Variants in FAM13A observed in about 807,000 individuals in gnomAD.
FAM13A encodes protein FAM13A.
Under a neutral mutation model 129.6 loss-of-function variants are expected in FAM13A, and 76 were observed. The ratio of observed to expected loss-of-function variants is 0.59; its 90% CI spans 0.49 to 0.71. FAM13A has a LOEUF of 0.71. FAM13A is among the 30% of genes least tolerant of loss of function. The pLI is 0.00. For missense variants in FAM13A, 1,108 were observed against 1,249.3 expected (o/e 0.89, Z 1.70); for synonymous variants, 443 against 449.9 (o/e 0.98, Z 0.20).
chr4:88,872,309 G>A (rs1005558638), intron 6 of FAM13A, among the ~76,000 whole-genome samples: 1 of 152,156 alleles, frequency 6.6e-6, no homozygotes, highest in Non-Finnish European at 1.5e-5. Flanking sequence ...AACCTTAAAT[G>A]TAAATAAGCT....
At chr4:89,037,093 C>T (rs1229835857) in intron 1 of FAM13A, among the ~76,000 whole-genome samples, 1 of 152,204 alleles carries the variant, frequency 6.6e-6, no homozygotes, top group African/African-American at 2.4e-5. Flanking sequence ...CCTAGTGGAG[C>T]TGAGAGAAGA....
At chr4:88,918,048 G>A (rs752122017) in intron 5 of FAM13A, among the ~76,000 whole-genome samples, 1 of 152,196 alleles carries the variant, frequency 6.6e-6, no homozygotes, top group Non-Finnish European at 1.5e-5. Flanking sequence ...GTCTTGGTAA[G>A]TGTCCTCTGG....
intron 6 of FAM13A, among the ~76,000 whole-genome samples, chr4:88,901,562 G>A (rs984310549): frequency 6.6e-6 from 1 of 152,186 alleles, no homozygotes; most frequent in Admixed American, 6.5e-5. Flanking sequence ...TGAAATTAAG[G>A]CAGAAATCAT....
intron 7 of FAM13A, among the ~76,000 whole-genome samples, chr4:88,805,450 A>C (rs1259126135): frequency 6.6e-6 from 1 of 152,168 alleles, no homozygotes; most frequent in South Asian, 2.1e-4. Flanking sequence ...ACAACCAACA[A>C]AACATTCCTG....
intron 8 of FAM13A, among the ~76,000 whole-genome samples, chr4:88,796,039 C>A (rs892392042): frequency 2.0e-5 from 3 of 151,628 alleles, no homozygotes; most frequent in Non-Finnish European, 4.4e-5. Flanking sequence ...TTTCTGTTTT[C>A]TTTTATTATT....
rs1455289503 is a variant in FAM13A, at chr4:88,745,580, A to T, written c.2466+1352T>A. ...ACACCTTCTCCATGAGGCCTACCAG[A>T]TGGCTACACAGAGCAGGGTTCTAAG... On this transcript the variant is annotated intron_variant, in intron 19 of 23. Coordinates refer to ENST00000264344, the MANE Select transcript of FAM13A (RefSeq NM_014883.4). Among the ~76,000 whole-genome samples, 7 of 152,356 alleles carry T rather than the reference A, an allele frequency of 4.6e-5. No individual in the cohort carries two copies. The East Asian group carries it at 1.2e-3, about 25-fold the overall frequency.
chr4:88,849,894 T>G (rs948922723), intron 7 of FAM13A, among the ~76,000 whole-genome samples: 3 of 152,212 alleles, frequency 2.0e-5, no homozygotes, highest in Non-Finnish European at 4.4e-5. Context: ...AATTCCAGTT[T>G]ACAATTTCCA....
rs78643321 is a variant in FAM13A at position 88,796,450 on chromosome 4, A to G, written c.1050-5823T>C. On this transcript the variant is annotated intron_variant, in intron 8 of 23. Coordinates refer to ENST00000264344, the MANE Select transcript of FAM13A (RefSeq NM_014883.4). ...ATATTATGCAAAATTTCACATATGT[A>G]TATAGGTGCTCATTTATTTGAAATC... 7.0e-3 allele frequency among the ~76,000 whole-genome samples: 1,058 copies of G among 152,134 alleles called. 4 individuals carry two copies. Among genetic ancestry groups the G allele is most frequent in the Non-Finnish European group, 0.012 (787 of 67,914 alleles).
intron 9 of FAM13A, among the ~76,000 whole-genome samples, chr4:88,788,911 T>G (rs1560997591): frequency 6.6e-6 from 1 of 152,152 alleles, no homozygotes; most frequent in African/African-American, 2.4e-5. Context: ...TATTCAAATT[T>G]TATTAAAAAT....
At chr4:89,027,840 G>A (rs1768168597) in intron 2 of FAM13A, among the ~76,000 whole-genome samples, 1 of 152,046 alleles carries the variant, frequency 6.6e-6, no homozygotes, top group South Asian at 2.1e-4. Flanking sequence ...ACAAGGGGAG[G>A]ATTCAGGTCC....
At chr4:88,945,836 ATGTG>A (rs552740338) in intron 4 of FAM13A, among the ~76,000 whole-genome samples, 5 of 138,792 alleles carry the variant, frequency 3.6e-5, no homozygotes, top group East Asian at 4.1e-4. Flanking sequence ...TACATATTCT[ATGTG>A]TGTGTGTGTA....
At position 88,857,869 on chromosome 4, in the gene FAM13A, C is replaced by T. The variant is rs539490296; in HGVS notation, c.844-6686G>A. On this transcript the variant is annotated intron_variant, in intron 6 of 23. Coordinates refer to ENST00000264344, the MANE Select transcript of FAM13A (RefSeq NM_014883.4). Reference sequence around the variant, plus strand: ...GCACTTAGCAAACAGTAGGTGACCACTAAATGTCTGTATAATGACTAAGAA... The same window carrying T: ...GCACTTAGCAAACAGTAGGTGACCATTAAATGTCTGTATAATGACTAAGAA... Among the ~76,000 whole-genome samples the T allele has an allele frequency of 5.0e-4, 76 of 152,252 alleles. 1 individual carries two copies. Among genetic ancestry groups the T allele is most frequent in the African/African-American group, 1.8e-3 (76 of 41,544 alleles).
chr4:88,897,433 T>C (rs1466978811), intron 6 of FAM13A, among the ~76,000 whole-genome samples: 1 of 152,200 alleles, frequency 6.6e-6, no homozygotes, highest in East Asian at 1.9e-4. Context: ...GGAAAAGAAA[T>C]ATAACACTTT....
At chr4:88,878,379 C>A (rs979537561) in intron 6 of FAM13A, among the ~76,000 whole-genome samples, 4 of 138,362 alleles carry the variant, frequency 2.9e-5, no homozygotes, top group Non-Finnish European at 3.1e-5. Flanking sequence ...GCATTAATTT[C>A]TTTAATTTAG....
intron 7 of FAM13A, among the ~76,000 whole-genome samples, chr4:88,815,533 T>C (rs1038087291): frequency 6.6e-6 from 1 of 152,204 alleles, no homozygotes. Context: ...AAAATGATGG[T>C]TTAAAATTTG....
At chr4:88,790,652 G>C (rs1043000256) in intron 8 of FAM13A, 25 bp from the exon 9 acceptor site, 10 of 1,606,252 alleles carry the variant, frequency 6.2e-6, no homozygotes, top group Non-Finnish European at 6.8e-6. Flanking sequence ...CAAAGAGAAA[G>C]TCAGGTTAGA....
intron 7 of FAM13A, among the ~76,000 whole-genome samples, chr4:88,844,069 C>A (rs1053196620): frequency 6.6e-6 from 1 of 152,124 alleles, no homozygotes; most frequent in Non-Finnish European, 1.5e-5. Flanking sequence ...TCTCATCTGA[C>A]GGTGGAATTC....
In FAM13A at chr4:89,018,670, T is replaced by A. The variant is rs550663427; in HGVS notation, c.427+1790A>T. ...AAGCAGGAAATTCAGTGTTAAAATT[T>A]GAAGTTAAAAATTAGAGAGTGAGGA... On this transcript the variant is annotated intron_variant, in intron 3 of 23. Coordinates refer to ENST00000264344, the MANE Select transcript of FAM13A (RefSeq NM_014883.4). Among the ~76,000 whole-genome samples, 3 of 152,336 alleles carry A rather than the reference T, an allele frequency of 2.0e-5. No homozygotes were observed. In the South Asian group the frequency reaches 6.2e-4, roughly 32 times the overall value.
chr4:88,945,810 T>TTA (rs1327259998), intron 4 of FAM13A, among the ~76,000 whole-genome samples: 151 of 139,964 alleles, frequency 1.1e-3, no homozygotes, highest in Admixed American at 2.0e-3. Flanking sequence ...TATATATATA[T>TTA]TATATATATA....
Sources: allele counts gnomAD v4.1 joint callset (sites outside exome capture counted in the v4.1 genomes callset), GRCh38; gene constraint gnomAD v4.1.1; transcripts MANE v1.5; gene names NCBI Gene and HGNC (gene_info 2026-07-23, HGNC 2026-07-21).